Variants in MTHFD1L observed in about 807,000 individuals in gnomAD.
MTHFD1L encodes methylenetetrahydrofolate dehydrogenase (NADP+ dependent) 1 like.
Under a neutral mutation model 119.5 loss-of-function variants are expected in MTHFD1L, and 81 were observed. That is an observed-to-expected ratio of 0.68 (90% CI 0.57 to 0.82). The LOEUF is 0.82. Among genes scored for constraint, MTHFD1L ranks in the 40% least tolerant of loss-of-function variants. The probability of loss-of-function intolerance (pLI) is 0.00; values close to 1 mark genes in which losing one functional copy is unlikely to be tolerated. For missense variants in MTHFD1L, 1,125 were observed against 1,253.4 expected, an observed-to-expected ratio of 0.90 and a Z score of 1.55; for synonymous variants, 430 against 475.2, an observed-to-expected ratio of 0.90 and a Z score of 1.24.
intron 26 of MTHFD1L, among the ~76,000 whole-genome samples, chr6:151,060,141 T>C (rs973610336): frequency 6.6e-6 from 1 of 152,196 alleles, no homozygotes; most frequent in Non-Finnish European, 1.5e-5. Context: ...TATAGGACCA[T>C]GTGGAATTCA....
At chr6:150,925,332 G>A (rs145121321) in intron 10 of MTHFD1L, among the ~76,000 whole-genome samples, 17 of 152,234 alleles carry the variant, frequency 1.1e-4, no homozygotes, top group African/African-American at 4.1e-4. Flanking sequence ...CACATGAAGG[G>A]CCTGACTGCC....
chr6:150,928,791 G>A (rs1410572985), intron 11 of MTHFD1L, among the ~76,000 whole-genome samples: 6 of 151,930 alleles, frequency 3.9e-5, no homozygotes, highest in East Asian at 1.9e-4. Context: ...TGGTCCGCCC[G>A]CCTCCTCCTT....
chr6:150,941,494 C>G (rs530857068), intron 13 of MTHFD1L, among the ~76,000 whole-genome samples: 75 of 152,186 alleles, frequency 4.9e-4, no homozygotes, highest in African/African-American at 1.8e-3. Flanking sequence ...TCAGTAGACA[C>G]GATGAATCCA....
chr6:150,908,064 AT>A (rs577851058), intron 8 of MTHFD1L, among the ~76,000 whole-genome samples: 8,207 of 136,454 alleles, frequency 0.06, 710 homozygotes, highest in African/African-American at 0.2. Flanking sequence ...CGCCTGGCCA[AT>A]TTTTTTTTTT....
At chr6:150,871,595 A>C (rs922261660) in intron 1 of MTHFD1L, among the ~76,000 whole-genome samples, 3 of 137,822 alleles carry the variant, frequency 2.2e-5, no homozygotes, top group African/African-American at 8.3e-5. Flanking sequence ...TCCGCCTCTC[A>C]GGTTCAAGTG....
chr6:151,031,082 C>T (rs1785277774), intron 24 of MTHFD1L, among the ~76,000 whole-genome samples: 1 of 152,166 alleles, frequency 6.6e-6, no homozygotes, highest in South Asian at 2.1e-4. Context: ...CAACTTTGTA[C>T]TCAGGCAGTA....
intron 7 of MTHFD1L, among the ~76,000 whole-genome samples, chr6:150,889,050 GCCT>G (rs576639532): frequency 7.7e-4 from 118 of 152,258 alleles, no homozygotes; most frequent in African/African-American, 2.8e-3. Flanking sequence ...GTCGGCGCAA[GCCT>G]GTAATCCCAG....
chr6:151,034,643 G>A, intron 25 of MTHFD1L, 43 bp downstream of exon 25: 1 of 1,284,842 alleles, frequency 7.8e-7, no homozygotes, highest in East Asian at 2.3e-5. Context: ...ATTCACCTTA[G>A]GCTCTCAGAA....
chr6:151,067,383 G>A lies in MTHFD1L; in HGVS notation c.2848-25084G>A, dbSNP rs1354568257. On this transcript the variant is annotated intron_variant, in intron 26 of 27. Transcript: ENST00000367321. ...CTGTCACCCAGGCTGGTGTACAGTG[G>A]TGCAATCTCAGCTCACTGCAGCTTC... is the stretch of plus-strand genomic sequence containing the variant. Among the ~76,000 whole-genome samples, 4 of 151,974 alleles carry A rather than the reference G, an allele frequency of 2.6e-5. 1 individual carries two copies. The East Asian group carries it at 7.8e-4, about 29-fold the overall frequency.
At chr6:151,069,413 T>C (rs778304001) in intron 26 of MTHFD1L, among the ~76,000 whole-genome samples, 18 of 152,144 alleles carry the variant, frequency 1.2e-4, no homozygotes, top group African/African-American at 1.9e-4. Context: ...GGATGCTGGC[T>C]GATCATGGCA....
At chr6:150,943,206 C>T (rs891567640) in intron 13 of MTHFD1L, among the ~76,000 whole-genome samples, 4 of 151,810 alleles carry the variant, frequency 2.6e-5, no homozygotes, top group Non-Finnish European at 5.9e-5. Context: ...ACCTGGGAGG[C>T]GGAGGTTGCA....
Position 150,945,470 on chromosome 6 carries a change from C to G in MTHFD1L, c.1552C>G (p.Leu518Val). Residue 518 changes from leucine to valine, a missense_variant, in exon 15 of 28, where the codon CTG (leucine) becomes GTG (valine). Around this residue, in one of 3 missense-constraint regions of MTHFD1L, gnomAD observed 1,058 missense variants for 1,151.2 expected, o/e 0.92. Coordinates refer to ENST00000367321, the MANE Select transcript of MTHFD1L (RefSeq NM_015440.5). ...LHENTQTDKA[L>V]YNRLVPLVNG... ...CATTTTTGTTTTGTGTTTTTAGGCTCTGTATAATCGGCTGGTTCCTTTAGT... is the reference window on the plus strand; with the variant it reads ...CATTTTTGTTTTGTGTTTTTAGGCTGTGTATAATCGGCTGGTTCCTTTAGT... 1 of 1,613,010 alleles carries G rather than the reference C, an allele frequency of 6.2e-7. No individual in the cohort carries two copies. The highest frequency in any genetic ancestry group is 2.2e-5 in the East Asian group (1 of 44,832).
At chr6:151,030,253 C>A (rs1353270324) in intron 24 of MTHFD1L, among the ~76,000 whole-genome samples, 1 of 152,232 alleles carries the variant, frequency 6.6e-6, no homozygotes, top group African/African-American at 2.4e-5. Flanking sequence ...AGCCCTTCTA[C>A]CTCACACAGC....
chr6:151,010,154 C>G (rs910621942), intron 21 of MTHFD1L, among the ~76,000 whole-genome samples, 196 bp downstream of exon 21: 5 of 151,932 alleles, frequency 3.3e-5, no homozygotes, highest in African/African-American at 1.2e-4. Context: ...TGTTTTTTCC[C>G]AACACCACCA....
intron 26 of MTHFD1L, among the ~76,000 whole-genome samples, chr6:151,071,568 C>T (rs1042572551): frequency 5.9e-5 from 9 of 151,682 alleles, no homozygotes; most frequent in African/African-American, 1.9e-4. Flanking sequence ...TTGAACTTCG[C>T]ATGGTTCTGG....
Position 151,014,908 on chromosome 6 carries a change from G to T in MTHFD1L, c.2336G>T (p.Cys779Phe). 6.2e-7 allele frequency: 1 copy of T among 1,614,104 alleles called. No individual in the cohort carries two copies. The highest frequency in any genetic ancestry group is 8.5e-7 in the Non-Finnish European group (1 of 1,180,012). ...ENIQLVADGC[C>F]NLQKQIQITQ... is the part of the protein sequence containing the mutation. ...ATCCAGCTGGTGGCAGACGGCTGCT[G>T]TAACCTCCAGAAGCAAATTCAGATC... is the stretch of plus-strand genomic sequence containing the variant. The change falls in exon 23 of 28, where the codon TGT becomes TTT. Residue 779 changes from cysteine (C) to phenylalanine (F), a missense_variant. Coordinates refer to ENST00000367321, the MANE Select transcript of MTHFD1L (RefSeq NM_015440.5).
At position 150,867,668 on chromosome 6, in the gene MTHFD1L, C is replaced by T. The variant is rs113019624; in HGVS notation, c.227+1619C>T. 6.6e-3 allele frequency among the ~76,000 whole-genome samples: 1,000 copies of T among 152,260 alleles called. 12 individuals are homozygous for T. Among genetic ancestry groups the T allele is most frequent in the African/African-American group, 0.023 (952 of 41,534 alleles). On this transcript the variant is annotated intron_variant, in intron 1 of 27. Coordinates refer to ENST00000367321, the MANE Select transcript of MTHFD1L (RefSeq NM_015440.5). ...TGGAATATGAGCTTCATGAGACAGC[C>T]GTCTCTTCGGTGCTATATCCTAGGT...
At chr6:151,069,800 C>T (rs1791756181) in intron 26 of MTHFD1L, among the ~76,000 whole-genome samples, 1 of 152,168 alleles carries the variant, frequency 6.6e-6, no homozygotes, top group Admixed American at 6.5e-5. Flanking sequence ...GGTCCAAGTG[C>T]TCGATCACCC....
chr6:151,090,141 C>T (rs1279867236), intron 26 of MTHFD1L, among the ~76,000 whole-genome samples: 1 of 152,232 alleles, frequency 6.6e-6, no homozygotes, highest in Non-Finnish European at 1.5e-5. Context: ...TCCCCACTCC[C>T]ACTCTCAGTT....
Sources: gnomAD v4.1 joint callset for allele counts (sites outside exome capture counted in the v4.1 genomes callset) on GRCh38, gnomAD v4.1.1 for gene constraint, gnomAD v4.1.1 regional missense constraint, MANE v1.5 for transcripts, NCBI Gene and HGNC (gene_info 2026-07-23, HGNC 2026-07-21) for gene names.